ZBTB45: variants seen among roughly 807,000 people sequenced by gnomAD.
ZBTB45 encodes zinc finger and BTB domain-containing protein 45.
ZBTB45 carries 22 observed loss-of-function variants against 28.4 expected under a neutral mutation model. The observed-to-expected ratio is 0.77, with a 90% CI of 0.55 to 1.10. The LOEUF is 1.10. ZBTB45 is among the 50% of genes least tolerant of loss of function. The pLI, the probability that ZBTB45 is intolerant of heterozygous loss-of-function variation, is 0.00. For synonymous variants in ZBTB45, 361 were observed against 332.3 expected (o/e 1.09, Z -0.94); for missense variants, 656 against 750.2 (o/e 0.87, Z 1.47).
At chr19:58,534,981 A>C (rs2053653336) in intron 1 of ZBTB45, among the ~76,000 whole-genome samples, 1 of 151,870 alleles carries the variant, frequency 6.6e-6, no homozygotes, top group Non-Finnish European at 1.5e-5. Flanking sequence ...TCAGCCTCCC[A>C]AGAAGCTGGA....
upstream of ZBTB45, among the ~76,000 whole-genome samples, chr19:58,520,630 G>C (rs1235069979): frequency 1.3e-5 from 2 of 152,210 alleles, no homozygotes; most frequent in Non-Finnish European, 2.9e-5. Context: ...GGCAGAAGAG[G>C]AAGGTGGAGA....
At chr19:58,514,565 C>T (rs1029087951) in intron 2 of ZBTB45, among the ~76,000 whole-genome samples, 2 of 152,126 alleles carry the variant, frequency 1.3e-5, no homozygotes, top group African/African-American at 2.4e-5. Context: ...TCCTCATACA[C>T]TGTGAGGTAC....
chr19:58,528,332 T>C (rs6510156), intron 1 of ZBTB45, among the ~76,000 whole-genome samples: 4,425 of 152,082 alleles, frequency 0.029, 194 homozygotes, highest in African/African-American at 0.098. Context: ...CCTCGTGTTG[T>C]TTGTTGGTGC....
intron 1 of ZBTB45, among the ~76,000 whole-genome samples, chr19:58,531,595 A>T (rs897083825): frequency 1.3e-5 from 2 of 152,216 alleles, no homozygotes; most frequent in Non-Finnish European, 2.9e-5. Context: ...AACTGGGGCC[A>T]TGTGTTCCCC....
chr19:58,524,063 C>CA (rs529087016), upstream of ZBTB45, among the ~76,000 whole-genome samples: 61,726 of 73,184 alleles, frequency 0.84, 26,750 homozygotes, highest in Non-Finnish European at 0.94. Context: ...GACTCTGTCT[C>CA]AAAAAAAAAA....
chr19:58,514,460 A>T (rs2122547323), intron 2 of ZBTB45, 150 bp from the exon 3 acceptor site: 1 of 1,001,534 alleles, frequency 1.0e-6, no homozygotes, highest in Non-Finnish European at 1.4e-6. Context: ...CTATCAGAGA[A>T]CCCTCCCCTC....
chr19:58,516,671 G>C lies in ZBTB45; in HGVS notation c.1003C>G (p.His335Asp), dbSNP rs2053502107. The change falls in exon 2 of 3, where the codon CAC becomes GAC. Residue 335 changes from histidine (H) to aspartate (D), a missense_variant. Transcript: ENST00000594051. The surrounding 1 kb of genome is among the most constrained non-coding windows in gnomAD (Gnocchi z 6.2). ...PGPPVALFPF[H>D]LGAPGPPAPP... ...GCGGGTGGCCCAGGGGCACCCAAGT[G>C]AAAGGGGAAGAGTGCAACGGGCGGC... 3 of 1,567,500 alleles carry C rather than the reference G, an allele frequency of 1.9e-6. No individual in the cohort carries two copies. Among genetic ancestry groups the C allele is most frequent in the East Asian group, 4.5e-5 (2 of 44,500 alleles).
intron 1 of ZBTB45, among the ~76,000 whole-genome samples, chr19:58,536,457 C>T (rs1163654918): frequency 1.4e-5 from 2 of 138,152 alleles, no homozygotes; most frequent in Admixed American, 7.6e-5. Context: ...CAGAGGGAGA[C>T]GCCGTCTCAA....
intron 1 of ZBTB45, among the ~76,000 whole-genome samples, chr19:58,530,090 C>T (rs1438022899): frequency 6.6e-6 from 1 of 152,006 alleles, no homozygotes; most frequent in Non-Finnish European, 1.5e-5. Context: ...GCAGTCCCAG[C>T]TACTTGGGTA....
At position 58,513,959 on chromosome 19, in the gene ZBTB45, G is replaced by C. The variant is rs1011398482; in HGVS notation, c.*95C>G. 3 of 1,314,242 alleles carry C rather than the reference G, an allele frequency of 2.3e-6. No individual in the cohort carries two copies. The African/African-American group carries it at 4.7e-5, about 21-fold the overall frequency. 81.4% of individuals were successfully genotyped at this position (1,314,242 alleles called of 1,614,324 possible). A position where few individuals can be genotyped will look rare whatever the true frequency, so the allele number is the denominator to read the frequency against. ...AGGACCTGCGCTCAGGAGGGAGCGT[G>C]GTCTAGTGGCGGGAACCACGGGTCC... On this transcript the variant is annotated 3_prime_UTR_variant, in exon 3 of 3. Transcript: ENST00000594051.
chr19:58,529,432 TA>T (rs1354300975), intron 1 of ZBTB45, among the ~76,000 whole-genome samples: 2 of 152,226 alleles, frequency 1.3e-5, no homozygotes, highest in East Asian at 3.9e-4. Context: ...AATACACAGA[TA>T]ACCGTTTTAA....
In ZBTB45 at chr19:58,516,418, G is replaced by C; in HGVS notation, c.1256C>G (p.Thr419Ser). The C allele has an allele frequency of 6.2e-7, 1 of 1,613,968 alleles. No homozygotes were observed. The highest frequency in any genetic ancestry group is 1.1e-5 in the South Asian group (1 of 91,078). ...ACCCGAGTGGATGAACATGTGCTTG[G>C]TGTAGTTTTTCCGGGAGCTGAACGT... is the stretch of plus-strand genomic sequence containing the variant. ...RKTFSSRKNY[T>S]KHMFIHSGEK... Residue 419 changes from threonine (T) to serine (S), a missense_variant, in exon 2 of 3, where the codon ACC (threonine) becomes AGC (serine). Around this residue, in one of 3 missense-constraint regions of ZBTB45, gnomAD observed 103 missense variants for 153.5 expected, o/e 0.67. Coordinates refer to ENST00000594051, the MANE Select transcript of ZBTB45 (RefSeq NM_001316979.2). This position sits in a 1 kb window ranked among gnomAD's most constrained non-coding sequence, Gnocchi z 6.2.
intron 1 of ZBTB45, among the ~76,000 whole-genome samples, chr19:58,532,976 A>G (rs1461305927): frequency 6.6e-6 from 1 of 152,152 alleles, no homozygotes; most frequent in Non-Finnish European, 1.5e-5. Flanking sequence ...CTGGGATTAC[A>G]GGCATGTGCC....
intron 1 of ZBTB45, among the ~76,000 whole-genome samples, chr19:58,536,772 G>A (rs1412473161): frequency 6.6e-6 from 1 of 152,196 alleles, no homozygotes; most frequent in African/African-American, 2.4e-5. Context: ...TTGGGGAAGA[G>A]AGGGTGAGGA....
Position 58,526,969 on chromosome 19 carries a change from A to G in ZBTB45, c.1-9296T>C, listed in dbSNP as rs547386348. On this transcript the variant is annotated intron_variant, in intron 1 of 1. Transcript: ENST00000600130. ...CAGTCTCCCGAGAAGCTGGGACTACAGTTGTGGCCCACCACACCTGGCCAC... is the reference window on the plus strand; with the variant it reads ...CAGTCTCCCGAGAAGCTGGGACTACGGTTGTGGCCCACCACACCTGGCCAC... 3.9e-5 allele frequency among the ~76,000 whole-genome samples: 6 copies of G among 152,218 alleles called. No individual in the cohort carries two copies. The East Asian group carries it at 1.2e-3, about 29-fold the overall frequency.
In ZBTB45 at chr19:58,517,194, A is replaced by C; in HGVS notation, c.480T>G (p.Arg160=). ...GTGCAGCACCGGGGTGCCCCGGGGG[A>C]CGTGCAGCCAGCAGGTGGCGCAGGC... ...RHRLRHLLAA[R]PPGHPGAAHS... Residue 160 remains arginine (R), a synonymous_variant, in exon 2 of 3, where the codon CGT becomes CGG. Coordinates refer to ENST00000594051, the MANE Select transcript of ZBTB45 (RefSeq NM_001316979.2). 1 of 1,605,380 alleles carries C rather than the reference A, an allele frequency of 6.2e-7. No homozygotes were observed. The highest frequency in any genetic ancestry group is 1.7e-5 in the Admixed American group (1 of 59,714).
At position 58,517,297 on chromosome 19, in the gene ZBTB45, CG is replaced by C. The variant is rs1231163044; in HGVS notation, c.376del (p.Arg126GlufsTer197). ...DECTQIIARARAPGTSAPTPL... is the reference protein window; with the variant it reads ...DECTQIIARAXAPGTSAPTPL... ...CGTGGGCGCAGAGGTGCCCGGGGCT[CG>C]AGCGCGGGCGATAATCTGCGTGCAT... On this transcript the variant is annotated frameshift_variant, in exon 2 of 3. Transcript: ENST00000594051. LOFTEE classifies it high-confidence loss of function. 14 of 1,602,356 alleles carry C rather than the reference CG, an allele frequency of 8.7e-6. No individual in the cohort carries two copies. The highest frequency in any genetic ancestry group is 2.7e-5 in the African/African-American group (2 of 74,844).
chr19:58,528,816 C>A (rs528187501), intron 1 of ZBTB45, among the ~76,000 whole-genome samples: 2 of 152,156 alleles, frequency 1.3e-5, no homozygotes. Flanking sequence ...ATCACCTGAA[C>A]TCGAGAGGCG....
At chr19:58,537,884 C>G (rs1176881742) in intron 1 of ZBTB45, among the ~76,000 whole-genome samples, 1 of 150,966 alleles carries the variant, frequency 6.6e-6, no homozygotes, top group Non-Finnish European at 1.5e-5. Context: ...GTTGCCCAGG[C>G]TGGAGTGCAA....
Sources: gnomAD v4.1 joint callset for allele counts (sites outside exome capture counted in the v4.1 genomes callset) on GRCh38, gnomAD v4.1.1 for gene constraint, gnomAD v4.1.1 regional missense constraint, Gnocchi (gnomAD v3.1) non-coding constraint, MANE v1.5 for transcripts, NCBI Gene and HGNC (gene_info 2026-07-23, HGNC 2026-07-21) for gene names.